TP63: variants seen among roughly 807,000 people sequenced by gnomAD.
TP63 encodes tumor protein p63, also known as tumor protein 63.
In TP63, 17 loss-of-function variants were observed where a neutral mutation model predicts 82.8. That is an observed-to-expected ratio of 0.21 (90% confidence interval 0.14 to 0.31). TP63 has a LOEUF of 0.31. Among genes scored for constraint, TP63 ranks in the 10% least tolerant of loss-of-function variants. TP63 has a pLI of 1.00. For missense variants in TP63, 648 were observed against 895.3 expected (o/e 0.72, Z 3.52); for synonymous variants, 330 against 321.7 (o/e 1.03, Z -0.28).
chr3:189,668,862 A>G (rs1285263475), intron 1 of TP63, among the ~76,000 whole-genome samples: 3 of 152,114 alleles, frequency 2.0e-5, no homozygotes, highest in Admixed American at 1.3e-4. Context: ...ACAAAAATAC[A>G]TAAGTAAATA....
chr3:189,628,532 G>A (rs1729368626), upstream of TP63, among the ~76,000 whole-genome samples: 1 of 151,988 alleles, frequency 6.6e-6, no homozygotes, highest in Non-Finnish European at 1.5e-5. Flanking sequence ...CCTTCCTTAA[G>A]TACTTTCTTC....
intron 1 of TP63, among the ~76,000 whole-genome samples, chr3:189,656,579 T>C (rs1713384567): frequency 6.6e-6 from 1 of 152,008 alleles, no homozygotes; most frequent in African/African-American, 2.4e-5. Context: ...CAGGATAGAA[T>C]AATAAAAAAC....
At chr3:189,626,667 A>T (rs1459060750), upstream of TP63, among the ~76,000 whole-genome samples, 1 of 152,202 alleles carries the variant, frequency 6.6e-6, no homozygotes, top group East Asian at 1.9e-4. Flanking sequence ...CCAGATGATC[A>T]GGCCTCTCCT....
intron 4 of TP63, among the ~76,000 whole-genome samples, chr3:189,860,398 C>T (rs966153712): frequency 8.5e-5 from 13 of 152,126 alleles, no homozygotes; most frequent in East Asian, 3.9e-4. Context: ...GTAAGGGATA[C>T]GGAAGTGGGC....
At position 189,782,186 on chromosome 3, in the gene TP63, G is replaced by A. The variant is rs189020637; in HGVS notation, c.325-26086G>A. Among the ~76,000 whole-genome samples the A allele has an allele frequency of 5.3e-5, 8 of 152,240 alleles. No individual in the cohort carries two copies. The East Asian group carries it at 1.5e-3, about 29-fold the overall frequency. On this transcript the variant is annotated intron_variant, in intron 3 of 13. Transcript: ENST00000264731. ...GAATGAATTATGAAAATCTGGGCTT[G>A]TATTATAATATATCCCAGTGTGGAA...
At chr3:189,693,250 A>AT (rs36000406) in intron 1 of TP63, among the ~76,000 whole-genome samples, 1 of 152,208 alleles carries the variant, frequency 6.6e-6, no homozygotes, top group Admixed American at 6.5e-5. Context: ...AAGTATATAC[A>AT]TTTTAGAATT....
At chr3:189,713,986 C>T (rs76968228) in intron 1 of TP63, among the ~76,000 whole-genome samples, 2 of 152,004 alleles carry the variant, frequency 1.3e-5, no homozygotes, top group African/African-American at 2.4e-5. Flanking sequence ...CTCCAAAGTA[C>T]GGTTTTAATA....
chr3:189,768,009 G>A (rs1723073623), intron 3 of TP63, among the ~76,000 whole-genome samples: 1 of 152,066 alleles, frequency 6.6e-6, no homozygotes, highest in South Asian at 2.1e-4. Flanking sequence ...CAATATGTCA[G>A]CACATCACGT....
intron 4 of TP63, among the ~76,000 whole-genome samples, chr3:189,860,715 C>T (rs1309954253): frequency 6.6e-6 from 1 of 152,146 alleles, no homozygotes; most frequent in African/African-American, 2.4e-5. Flanking sequence ...GTTTGCAGTA[C>T]AGATACAGTA....
chr3:189,671,213 T>A (rs1274685173), intron 1 of TP63, among the ~76,000 whole-genome samples: 1 of 151,832 alleles, frequency 6.6e-6, no homozygotes, highest in East Asian at 1.9e-4. Flanking sequence ...ATGATTTTAA[T>A]AATGGGCAAG....
At chr3:189,635,131 T>G (rs1201008416) in intron 1 of TP63, among the ~76,000 whole-genome samples, 3 of 152,108 alleles carry the variant, frequency 2.0e-5, no homozygotes, top group Admixed American at 2.0e-4. Flanking sequence ...AGTAAAATAT[T>G]TTGTATTGTT....
chr3:189,608,360 G>C, the TP63 span, among the ~76,000 whole-genome samples: 1 of 152,142 alleles, frequency 6.6e-6, no homozygotes. Flanking sequence ...TCTGTCATCA[G>C]AGTTCTAGAA....
At chr3:189,772,061 TAAAC>T (rs1560172284) in intron 3 of TP63, among the ~76,000 whole-genome samples, 1 of 152,148 alleles carries the variant, frequency 6.6e-6, no homozygotes, top group African/African-American at 2.4e-5. Context: ...GACAGTTAAA[TAAAC>T]AAACCATTAT....
the TP63 span, among the ~76,000 whole-genome samples, chr3:189,619,395 A>G: frequency 2.6e-5 from 4 of 152,318 alleles, no homozygotes; most frequent in Admixed American, 2.6e-4. Context: ...AGGGGTATCC[A>G]CTTAATGCCC....
chr3:189,653,749 C>A (rs1713090208), intron 1 of TP63, among the ~76,000 whole-genome samples: 2 of 152,178 alleles, frequency 1.3e-5, no homozygotes, highest in African/African-American at 4.8e-5. Flanking sequence ...CAATTGTTAA[C>A]CAAAGATTCA....
chr3:189,774,864 A>G (rs1045397634), intron 3 of TP63, among the ~76,000 whole-genome samples: 2 of 152,216 alleles, frequency 1.3e-5, no homozygotes, highest in Non-Finnish European at 2.9e-5. Flanking sequence ...CTGTTATTGA[A>G]TATATTCTCA....
the TP63 span, among the ~76,000 whole-genome samples, chr3:189,603,442 A>G: frequency 2.0e-5 from 3 of 151,972 alleles, no homozygotes; most frequent in Admixed American, 6.6e-5. Context: ...TTATACTATT[A>G]CTAATTCTAC....
chr3:189,865,724 C>T (rs1219178234), intron 5 of TP63, among the ~76,000 whole-genome samples: 1 of 152,086 alleles, frequency 6.6e-6, no homozygotes, highest in Non-Finnish European at 1.5e-5. Context: ...AAGTCCTTGC[C>T]CACATGGCCA....
chr3:189,789,919 G>C, intron 3 of TP63: 1 of 1,379,832 alleles, frequency 7.2e-7, no homozygotes, highest in Admixed American at 2.8e-5. Context: ...TTACGTATTT[G>C]CGGTTCTCGG....
Sources: gnomAD v4.1 joint callset for allele counts (sites outside exome capture counted in the v4.1 genomes callset) on GRCh38, gnomAD v4.1.1 for gene constraint, MANE v1.5 for transcripts, NCBI Gene and HGNC (gene_info 2026-07-23, HGNC 2026-07-21) for gene names.